Variants in PCDHGB3 observed in about 807,000 individuals in gnomAD.
PCDHGB3 encodes protocadherin gamma subfamily B, 3, also known as protocadherin gamma-B3.
PCDHGB3 carries 40 observed loss-of-function variants against 59.2 expected under a neutral mutation model. The ratio of observed to expected loss-of-function variants is 0.68; its 90% CI spans 0.52 to 0.88. The LOEUF is 0.88. Among genes scored for constraint, PCDHGB3 ranks in the 40% least tolerant of loss-of-function variants. The probability of loss-of-function intolerance (pLI) is 0.00; values close to 1 mark genes in which losing one functional copy is unlikely to be tolerated. For synonymous variants in PCDHGB3, 581 were observed against 503.6 expected (o/e 1.15, Z -2.06); for missense variants, 1,309 against 1,187.9 (o/e 1.10, Z -1.50).
Position 141,432,667 on chromosome 5 carries a change from C to T in PCDHGB3, c.2415+59858C>T, listed in dbSNP as rs1312138743. ...CGGCGCGAGCCCTGCTGGACAGAGACGCGCTCAAGCAGAGCCTCGTAGTGG... is the reference window on the plus strand; with the variant it reads ...CGGCGCGAGCCCTGCTGGACAGAGATGCGCTCAAGCAGAGCCTCGTAGTGG... On this transcript the variant is annotated intron_variant, in intron 1 of 3. Transcript: ENST00000576222. This position sits in a 1 kb window ranked among gnomAD's most constrained non-coding sequence, Gnocchi z 6.0. The T allele has an allele frequency of 1.2e-6, 2 of 1,613,876 alleles. No individual in the cohort carries two copies. The highest frequency in any genetic ancestry group is 1.1e-5 in the South Asian group (1 of 91,066).
At chr5:141,478,417 C>G in intron 1 of PCDHGB3, 1 of 1,613,652 alleles carries the variant, frequency 6.2e-7, no homozygotes, top group Non-Finnish European at 8.5e-7. Context: ...CGGACTCCCG[C>G]CGCAGCGACC....
chr5:141,397,205 AAG>A (rs896486095), intron 1 of PCDHGB3, among the ~76,000 whole-genome samples: 76 of 152,336 alleles, frequency 5.0e-4, no homozygotes, highest in African/African-American at 1.8e-3. Context: ...GATATGACAT[AAG>A]AGAAGTATTT....
rs756604175 is a variant in PCDHGB3 at position 141,375,747 on chromosome 5, A to C, written c.2415+2938A>C. 30 of 1,614,128 alleles carry C rather than the reference A, an allele frequency of 1.9e-5. No homozygotes were observed. The Admixed American group carries it at 5.0e-4, about 27-fold the overall frequency. ...TCACTGAGCCTGTTTGTGCTGGACC[A>C]GAATGACAATGCGCCCGAGATCCTG... is the stretch of plus-strand genomic sequence containing the variant. On this transcript the variant is annotated intron_variant, in intron 1 of 3. Transcript: ENST00000576222.
intron 1 of PCDHGB3, chr5:141,429,276 T>C (rs748800169): frequency 6.6e-5 from 10 of 152,228 alleles, no homozygotes; most frequent in Non-Finnish European, 1.2e-4. Flanking sequence ...TTTTTTCCTG[T>C]GATGTTTCTT....
chr5:141,414,785 C>A, intron 1 of PCDHGB3: 1 of 1,614,232 alleles, frequency 6.2e-7, no homozygotes, highest in Non-Finnish European at 8.5e-7. Context: ...ATGCAGGTGA[C>A]AGCCAGCGAC....
In PCDHGB3 at chr5:141,370,640, G is replaced by A. The variant is rs1411940178; in HGVS notation, c.246G>A (p.Gly82=). 4.3e-6 allele frequency: 7 copies of A among 1,613,966 alleles called. No homozygotes were observed. In the East Asian group the frequency reaches 1.6e-4, roughly 36 times the overall value. The change falls in exon 1 of 4, where the codon GGG becomes GGA. Residue 82 remains glycine, a synonymous_variant. Transcript: ENST00000576222. The stretch of plus-strand genomic sequence containing the variant: ...TCTTTACCGTGAGCCCCGAAAATGG[G>A]AACTTACTTGTGAGCGACCGTATAG... ...KKFFTVSPEN[G]NLLVSDRIDR... is the part of the protein sequence containing the mutation.
chr5:141,508,091 GCCC>G (rs2099866180), intron 3 of PCDHGB3: 1 of 152,482 alleles, frequency 6.6e-6, no homozygotes, highest in Non-Finnish European at 1.5e-5. Flanking sequence ...TGCTGCCTTG[GCCC>G]TGGGATGGGG....
chr5:141,476,977 C>T lies in PCDHGB3; in HGVS notation c.2416-17830C>T, dbSNP rs141692339. 3,083 of 1,614,232 alleles carry T rather than the reference C, an allele frequency of 1.9e-3. 52 individuals carry two copies. The African/African-American group carries it at 0.034, about 18-fold the overall frequency. Reference sequence around the variant, plus strand: ...TTATTTACTCCTTCGGCAGCCACAACCGCGCCGGCGTGCGGCAACTATTCG... The same window carrying T: ...TTATTTACTCCTTCGGCAGCCACAATCGCGCCGGCGTGCGGCAACTATTCG... On this transcript the variant is annotated intron_variant, in intron 1 of 3. Coordinates refer to ENST00000576222, the MANE Select transcript of PCDHGB3 (RefSeq NM_018924.5). This position sits in a 1 kb window ranked among gnomAD's most constrained non-coding sequence, Gnocchi z 7.6.
intron 1 of PCDHGB3, among the ~76,000 whole-genome samples, chr5:141,446,961 GA>G (rs1466390366): frequency 2.0e-5 from 3 of 152,070 alleles, no homozygotes; most frequent in Admixed American, 1.3e-4. Context: ...AGCACCCAGG[GA>G]AATTTGCTGT....
Position 141,410,397 on chromosome 5 carries a change from G to T in PCDHGB3, c.2415+37588G>T, listed in dbSNP as rs1338071222. Reference sequence around the variant, plus strand: ...TGGGACTGCTTCCATCCTGGTCTCTGTGTCAAGTCTGGACCTGTAGTTCCC... The same window carrying T: ...TGGGACTGCTTCCATCCTGGTCTCTTTGTCAAGTCTGGACCTGTAGTTCCC... On this transcript the variant is annotated intron_variant, in intron 1 of 3. Coordinates refer to ENST00000576222, the MANE Select transcript of PCDHGB3 (RefSeq NM_018924.5). The T allele has an allele frequency of 3.7e-6, 6 of 1,613,930 alleles. No homozygotes were observed. The African/African-American group carries it at 8.0e-5, about 22-fold the overall frequency.
At chr5:141,375,897 C>T in intron 1 of PCDHGB3, 1 of 1,613,798 alleles carries the variant, frequency 6.2e-7, no homozygotes, top group South Asian at 1.1e-5. Flanking sequence ...GCCTGGCTGT[C>T]CTACCGCCTG....
chr5:141,476,783 G>C lies in PCDHGB3; in HGVS notation c.2416-18024G>C. ...GACGGCGTTGGACGGAGGGACCCCAGCTCTCTCCGCCAGCCTGCCTATTCA... is the reference window on the plus strand; with the variant it reads ...GACGGCGTTGGACGGAGGGACCCCACCTCTCTCCGCCAGCCTGCCTATTCA... On this transcript the variant is annotated intron_variant, in intron 1 of 3. Coordinates refer to ENST00000576222, the MANE Select transcript of PCDHGB3 (RefSeq NM_018924.5). This position sits in a 1 kb window ranked among gnomAD's most constrained non-coding sequence, Gnocchi z 7.6. The C allele has an allele frequency of 6.2e-7, 1 of 1,613,510 alleles. No homozygotes were observed. The highest frequency in any genetic ancestry group is 8.5e-7 in the Non-Finnish European group (1 of 1,180,030).
intron 1 of PCDHGB3, among the ~76,000 whole-genome samples, chr5:141,462,009 G>C (rs2099028674): frequency 6.6e-6 from 1 of 152,190 alleles, no homozygotes; most frequent in Non-Finnish European, 1.5e-5. Flanking sequence ...TTTTAATAGA[G>C]ACGGGGTTTC....
chr5:141,477,438 C>G lies in PCDHGB3; in HGVS notation c.2416-17369C>G. 6.2e-7 allele frequency: 1 copy of G among 1,614,174 alleles called. No homozygotes were observed. Among genetic ancestry groups the G allele is most frequent in the Non-Finnish European group, 8.5e-7 (1 of 1,180,030 alleles). On this transcript the variant is annotated intron_variant, in intron 1 of 3. Coordinates refer to ENST00000576222, the MANE Select transcript of PCDHGB3 (RefSeq NM_018924.5). The surrounding 1 kb of genome is among the most constrained non-coding windows in gnomAD (Gnocchi z 4.9). ...GGAACCCCTTCCCTCTCAGCCCTTACAATAGTGCGTGTTCAAGTGTCCGAC... is the reference window on the plus strand; with the variant it reads ...GGAACCCCTTCCCTCTCAGCCCTTAGAATAGTGCGTGTTCAAGTGTCCGAC...
chr5:141,484,716 G>C (rs1375103858), intron 1 of PCDHGB3, among the ~76,000 whole-genome samples: 1 of 152,030 alleles, frequency 6.6e-6, no homozygotes, highest in African/African-American at 2.4e-5. Context: ...CGCCGAAAAG[G>C]GGCGGGGTCA....
chr5:141,478,822 T>A, intron 1 of PCDHGB3: 2 of 1,444,070 alleles, frequency 1.4e-6, no homozygotes, highest in South Asian at 1.5e-5. Context: ...AACTAACCAA[T>A]CTTGCTAAGG....
intron 3 of PCDHGB3, among the ~76,000 whole-genome samples, chr5:141,506,444 C>T (rs542906499): frequency 2.1e-5 from 2 of 95,022 alleles, no homozygotes; most frequent in South Asian, 3.6e-4. Flanking sequence ...CGCTCTGTCT[C>T]AAAAAAAAAA....
At chr5:141,395,094 G>T (rs192995605) in intron 1 of PCDHGB3, 4 of 1,614,042 alleles carry the variant, frequency 2.5e-6, no homozygotes, top group Non-Finnish European at 3.4e-6. Flanking sequence ...CTCCCTCACC[G>T]CCGACTCGCG....
rs753473913 is a variant in PCDHGB3 at position 141,503,323 on chromosome 5, G to A, written c.2475-2070G>A. On this transcript the variant is annotated intron_variant, in intron 2 of 3. Transcript: ENST00000576222. The stretch of plus-strand genomic sequence containing the variant: ...CTCAAGAAAGAATTGTTGGAGGGGC[G>A]CGGTGGCTCACGCCTGTAATTCCAG... Among the ~76,000 whole-genome samples the A allele has an allele frequency of 2.0e-5, 3 of 152,214 alleles. No individual in the cohort carries two copies. In the Middle Eastern group the frequency reaches 0.01, roughly 518 times the overall value.
Sources: gnomAD v4.1 joint callset for allele counts (sites outside exome capture counted in the v4.1 genomes callset) on GRCh38, gnomAD v4.1.1 for gene constraint, Gnocchi (gnomAD v3.1) non-coding constraint, MANE v1.5 for transcripts, NCBI Gene and HGNC (gene_info 2026-07-23, HGNC 2026-07-21) for gene names.